GNA14: variants seen among roughly 807,000 people sequenced by gnomAD.
The protein encoded by GNA14 is G protein subunit alpha 14.
A neutral mutation model predicts 42.0 loss-of-function variants in GNA14; 50 were observed. That is an observed-to-expected ratio of 1.19 (90% CI 0.95 to 1.51). GNA14 has a LOEUF of 1.51. Among genes scored for constraint, GNA14 ranks in the 40% most tolerant of loss-of-function variants. The pLI is 0.00. For synonymous variants in GNA14, 173 were observed against 163.1 expected, an observed-to-expected ratio of 1.06 and a Z score of -0.46; for missense variants, 473 against 446.2, an observed-to-expected ratio of 1.06 and a Z score of -0.54.
intron 1 of GNA14, among the ~76,000 whole-genome samples, chr9:77,541,616 T>C (rs950197414): frequency 3.3e-5 from 5 of 152,222 alleles, no homozygotes; most frequent in African/African-American, 9.6e-5. Context: ...TATTATTTCA[T>C]TAAATATGTT....
intron 1 of GNA14, among the ~76,000 whole-genome samples, chr9:77,567,728 G>A (rs192961373): frequency 4.6e-4 from 70 of 152,222 alleles, no homozygotes; most frequent in Admixed American, 1.9e-3. Flanking sequence ...TTAGCCAGGC[G>A]TGGTGGTGCA....
intron 2 of GNA14, among the ~76,000 whole-genome samples, chr9:77,446,027 A>G (rs1835811886): frequency 6.6e-6 from 1 of 152,130 alleles, no homozygotes; most frequent in Admixed American, 6.5e-5. Context: ...TTTACTCCCA[A>G]TTTTCCAGTG....
intron 1 of GNA14, among the ~76,000 whole-genome samples, chr9:77,631,051 T>C (rs951684811): frequency 1.3e-5 from 2 of 152,224 alleles, no homozygotes; most frequent in Non-Finnish European, 2.9e-5. Context: ...ATTTTATTAG[T>C]TAGGATATCA....
chr9:77,632,552 G>C (rs575841790), intron 1 of GNA14, among the ~76,000 whole-genome samples: 3 of 152,186 alleles, frequency 2.0e-5, no homozygotes, highest in African/African-American at 7.2e-5. Context: ...GAGGAGAGAA[G>C]AGCTGTGGCC....
At chr9:77,501,300 T>C (rs1005536279) in intron 2 of GNA14, among the ~76,000 whole-genome samples, 4 of 152,204 alleles carry the variant, frequency 2.6e-5, no homozygotes, top group Admixed American at 6.5e-5. Context: ...AGAGTGGCTG[T>C]ACCATTTTAC....
Position 77,544,759 on chromosome 9 carries a change from TA to T in GNA14, c.125-15507del, listed in dbSNP as rs1366188156. Reference sequence around the variant, plus strand: ...ATGACTCATAATTGTTTTACTTTCTTAAAAAGGCAAATTGTAAGCATATTCA... The same window carrying T: ...ATGACTCATAATTGTTTTACTTTCTTAAAAGGCAAATTGTAAGCATATTCA... On this transcript the variant is annotated intron_variant, in intron 1 of 6. Coordinates refer to ENST00000341700, the MANE Select transcript of GNA14 (RefSeq NM_004297.4). 3.9e-5 allele frequency among the ~76,000 whole-genome samples: 6 copies of T among 152,176 alleles called. No homozygotes were observed. The East Asian group carries it at 1.2e-3, about 29-fold the overall frequency.
chr9:77,536,803 T>C (rs1401199744), intron 1 of GNA14, among the ~76,000 whole-genome samples: 1 of 152,252 alleles, frequency 6.6e-6, no homozygotes, highest in African/African-American at 2.4e-5. Context: ...TGAGAGTACC[T>C]CTTATATCAG....
At chr9:77,469,423 G>A (rs1416001793) in intron 2 of GNA14, among the ~76,000 whole-genome samples, 7 of 139,408 alleles carry the variant, frequency 5.0e-5, no homozygotes, top group South Asian at 2.5e-4. Flanking sequence ...AGAATCAATT[G>A]TAGTTTTATA....
chr9:77,515,258 G>A (rs1485500580), intron 2 of GNA14, among the ~76,000 whole-genome samples: 2 of 152,330 alleles, frequency 1.3e-5, no homozygotes, highest in Middle Eastern at 3.4e-3. Context: ...ATAGACCTTG[G>A]CCTTCATAGA....
chr9:77,634,695 T>A (rs1440701263), intron 1 of GNA14, among the ~76,000 whole-genome samples: 1 of 152,238 alleles, frequency 6.6e-6, no homozygotes, highest in Non-Finnish European at 1.5e-5. Context: ...AGGCCTGTGT[T>A]CCTTTTATGA....
At chr9:77,458,554 C>T (rs1269204534) in intron 2 of GNA14, among the ~76,000 whole-genome samples, 1 of 152,166 alleles carries the variant, frequency 6.6e-6, no homozygotes, top group East Asian at 1.9e-4. Flanking sequence ...AAATACAGGA[C>T]ATCAGTTAAA....
intron 1 of GNA14, among the ~76,000 whole-genome samples, chr9:77,566,383 G>A (rs923971065): frequency 6.6e-6 from 1 of 151,816 alleles, no homozygotes; most frequent in Non-Finnish European, 1.5e-5. Flanking sequence ...TCAAACCCCT[G>A]GCCTCAAGTG....
At chr9:77,529,602 G>A (rs10122304) in intron 1 of GNA14, among the ~76,000 whole-genome samples, 2,774 of 152,288 alleles carry the variant, frequency 0.018, 101 homozygotes, top group African/African-American at 0.062. Flanking sequence ...GAGGGTTTGA[G>A]CCATAGGAAC....
intron 1 of GNA14, among the ~76,000 whole-genome samples, chr9:77,576,211 T>C (rs956201881): frequency 6.6e-6 from 1 of 151,912 alleles, no homozygotes; most frequent in Non-Finnish European, 1.5e-5. Flanking sequence ...TGAGGGAGGG[T>C]CAGGGAGAAG....
At chr9:77,617,023 C>T (rs1823833519) in intron 1 of GNA14, among the ~76,000 whole-genome samples, 1 of 151,996 alleles carries the variant, frequency 6.6e-6, no homozygotes, top group Non-Finnish European at 1.5e-5. Context: ...GCACCCACCA[C>T]CACGACCGGT....
chr9:77,429,371 T>C (rs1424016428), intron 4 of GNA14, among the ~76,000 whole-genome samples: 5 of 152,174 alleles, frequency 3.3e-5, no homozygotes, highest in African/African-American at 9.7e-5. Flanking sequence ...GTAGAGTCCC[T>C]GGATACCAGA....
intron 2 of GNA14, among the ~76,000 whole-genome samples, chr9:77,435,050 TAA>T (rs3052358): frequency 0.04 from 4,788 of 119,190 alleles, 151 homozygotes; most frequent in African/African-American, 0.095. Context: ...TTCTTTCATT[TAA>T]AAAAAAAAAA....
At chr9:77,426,485 T>C (rs1835455883) in intron 5 of GNA14, among the ~76,000 whole-genome samples, 2 of 152,124 alleles carry the variant, frequency 1.3e-5, no homozygotes, top group Admixed American at 1.3e-4. Context: ...TTTGTATTTT[T>C]AATAGAGACG....
At chr9:77,632,384 C>A (rs976868534) in intron 1 of GNA14, among the ~76,000 whole-genome samples, 2 of 152,178 alleles carry the variant, frequency 1.3e-5, no homozygotes. Flanking sequence ...TCCCATGGAC[C>A]AGAGTGGGAA....
Sources: allele counts gnomAD v4.1 joint callset (sites outside exome capture counted in the v4.1 genomes callset), GRCh38; gene constraint gnomAD v4.1.1; transcripts MANE v1.5; gene names NCBI Gene and HGNC (gene_info 2026-07-23, HGNC 2026-07-21).